Variants in RBMS3 observed in about 807,000 individuals in gnomAD.
The protein encoded by RBMS3 is RNA binding motif single stranded interacting protein 3, also known as RNA-binding motif, single-stranded-interacting protein 3.
Under a neutral mutation model 66.8 loss-of-function variants are expected in RBMS3, and 27 were observed. The observed-to-expected ratio is 0.40, with a 90% CI of 0.30 to 0.56. The LOEUF (loss-of-function observed/expected upper bound fraction) is 0.56, where lower values mean the gene tolerates loss of function less well. RBMS3 is among the 20% of genes least tolerant of loss of function. The probability of loss-of-function intolerance (pLI) is 0.40; values close to 1 mark genes in which losing one functional copy is unlikely to be tolerated. For synonymous variants in RBMS3, 188 were observed against 183.0 expected (o/e 1.03, Z -0.22); for missense variants, 513 against 549.5 (o/e 0.93, Z 0.66).
chr3:29,554,899 G>A (rs957963527), intron 3 of RBMS3, among the ~76,000 whole-genome samples: 5 of 152,074 alleles, frequency 3.3e-5, no homozygotes, highest in East Asian at 1.9e-4. Flanking sequence ...TTTTTGAACC[G>A]AATAGGGCCA....
chr3:29,477,954 A>C (rs1264770073), intron 2 of RBMS3, among the ~76,000 whole-genome samples: 1 of 151,978 alleles, frequency 6.6e-6, no homozygotes, highest in African/African-American at 2.4e-5. Context: ...TTTTCTGTAG[A>C]GATGGGATTT....
intron 14 of RBMS3, chr3:29,991,854 G>GA (rs1345534536): frequency 6.6e-6 from 1 of 152,074 alleles, no homozygotes; most frequent in East Asian, 1.9e-4. Context: ...AAATGTCGAT[G>GA]AAAAAGGGTA....
intron 8 of RBMS3, 23 bp downstream of exon 8, chr3:29,884,231 A>G (rs1277175273): frequency 6.9e-6 from 11 of 1,589,804 alleles, no homozygotes; most frequent in African/African-American, 2.7e-5. Context: ...CATTTTCTCT[A>G]TTTTAATTGT....
chr3:29,319,692 T>C (rs1043277278), intron 1 of RBMS3, among the ~76,000 whole-genome samples: 4 of 152,022 alleles, frequency 2.6e-5, no homozygotes, highest in African/African-American at 9.7e-5. Context: ...TTTTTAACTT[T>C]AGTTGATCTG....
chr3:29,497,256 G>A (rs148554720), intron 3 of RBMS3, among the ~76,000 whole-genome samples: 115 of 152,202 alleles, frequency 7.6e-4, no homozygotes, highest in African/African-American at 2.5e-3. Context: ...TGATCCGCCC[G>A]CCTCAACCTC....
intron 4 of RBMS3, among the ~76,000 whole-genome samples, chr3:29,688,564 A>ATTTTTTTT (rs55943638): frequency 8.9e-5 from 6 of 67,130 alleles, no homozygotes; most frequent in African/African-American, 1.5e-4. Context: ...AAGTTACAGG[A>ATTTTTTTT]TTTTTTTTTT....
intron 1 of RBMS3, among the ~76,000 whole-genome samples, chr3:29,303,021 T>A (rs2033783466): frequency 6.6e-6 from 1 of 151,964 alleles, no homozygotes; most frequent in Non-Finnish European, 1.5e-5. Context: ...GATCTCAGTG[T>A]GTGCTAAAAG....
chr3:29,648,358 C>G (rs2050021067), intron 4 of RBMS3, among the ~76,000 whole-genome samples: 1 of 144,290 alleles, frequency 6.9e-6, no homozygotes, highest in African/African-American at 2.6e-5. Flanking sequence ...TGCAGACTCT[C>G]TGTCCCAGGC....
At chr3:29,968,432 T>G (rs1696998332) in intron 12 of RBMS3, among the ~76,000 whole-genome samples, 1 of 152,200 alleles carries the variant, frequency 6.6e-6, no homozygotes, top group African/African-American at 2.4e-5. Context: ...TTTTAGCTCC[T>G]GCCCCTCTGG....
chr3:29,848,076 T>C (rs2058834079), intron 6 of RBMS3, among the ~76,000 whole-genome samples: 1 of 152,176 alleles, frequency 6.6e-6, no homozygotes. Context: ...TTTCTAGGTA[T>C]CCCCCTAAGT....
chr3:29,495,245 C>G (rs1053917978), intron 3 of RBMS3, among the ~76,000 whole-genome samples: 2 of 152,002 alleles, frequency 1.3e-5, no homozygotes, highest in Non-Finnish European at 2.9e-5. Flanking sequence ...GGACTGAATC[C>G]ATTTAGCAGT....
At chr3:29,815,543 G>A (rs2057862926) in intron 6 of RBMS3, among the ~76,000 whole-genome samples, 1 of 151,938 alleles carries the variant, frequency 6.6e-6, no homozygotes, top group African/African-American at 2.4e-5. Flanking sequence ...AGGAACAGGG[G>A]GTTGTCAACA....
In RBMS3 at chr3:29,936,140, A is replaced by T. The variant is rs771045401; in HGVS notation, c.994A>T (p.Met332Leu). ...TCCCATGTCAATGCAGCCAGCCAAC[A>T]TGATGGGCCCACTGACACAGCAGAT... is the stretch of plus-strand genomic sequence containing the variant. ...DHPMSMQPAN[M>L]MGPLTQQMNH... Residue 332 changes from methionine to leucine, a missense_variant, in exon 11 of 15, where the codon ATG becomes TTG. Met to Leu is a conservative substitution (Grantham distance 15, BLOSUM62 2). Transcript: ENST00000383767. 1 of 1,613,278 alleles carries T rather than the reference A, an allele frequency of 6.2e-7. No homozygotes were observed. The highest frequency in any genetic ancestry group is 8.5e-7 in the Non-Finnish European group (1 of 1,179,558).
intron 4 of RBMS3, among the ~76,000 whole-genome samples, chr3:29,712,997 A>G (rs545657877): frequency 6.6e-6 from 1 of 152,082 alleles, no homozygotes; most frequent in Non-Finnish European, 1.5e-5. Flanking sequence ...GATATCTCTT[A>G]TTGGTTCTGG....
At chr3:29,634,629 T>C (rs561424558) in intron 4 of RBMS3, among the ~76,000 whole-genome samples, 1 of 151,972 alleles carries the variant, frequency 6.6e-6, no homozygotes. Context: ...ACGCTCTTTA[T>C]TGACTTTCTT....
At chr3:29,587,227 G>GTTTTTTTTTTTTTT (rs537893659) in intron 4 of RBMS3, 22 bp downstream of exon 4, 3 of 213,464 alleles carry the variant, frequency 1.4e-5, no homozygotes, top group African/African-American at 1.9e-4. Flanking sequence ...GTTTAGGGGT[G>GTTTTTTTTTTTTTT]TTTTTTTTTT....
rs375152299 is a variant in RBMS3, at chr3:29,847,781, A to G, written c.638-21077A>G. ...CGCCATTCTCCTGCCTCAGCCTCCC[A>G]AGTAGCTGGGACTACAGGCGCTCGC... On this transcript the variant is annotated intron_variant, in intron 6 of 14. Transcript: ENST00000383767. Among the ~76,000 whole-genome samples the G allele has an allele frequency of 2.8e-3, 423 of 151,908 alleles. 2 individuals carry two copies. The highest frequency in any genetic ancestry group is 9.8e-3 in the African/African-American group (406 of 41,430).
chr3:30,003,274 C>T (rs1699690860), intron 14 of RBMS3, among the ~76,000 whole-genome samples: 1 of 151,960 alleles, frequency 6.6e-6, no homozygotes, highest in Non-Finnish European at 1.5e-5. Context: ...TCTAGTTAAA[C>T]ACCTATTGTG....
rs1218393454 is a variant in RBMS3 at position 29,691,947 on chromosome 3, C to CTCTCTCTCTTTTTTTTTTTTTTT, written c.400-47772_400-47771insCTCTCTCTTTTTTTTTTTTTTTT. Among the ~76,000 whole-genome samples the CTCTCTCTCTTTTTTTTTTTTTTT allele has an allele frequency of 4.4e-3, 232 of 53,174 alleles. 1 individual carries two copies. Among genetic ancestry groups the CTCTCTCTCTTTTTTTTTTTTTTT allele is most frequent in the Non-Finnish European group, 6.9e-3 (175 of 25,418 alleles). The allele number at this position is 53,174 out of a possible 152,430, so 34.9% of individuals were successfully genotyped here. On this transcript the variant is annotated intron_variant, in intron 4 of 14. Transcript: ENST00000383767. ...GTGTGACCCTTCTCTCTCTCTCTCT[C>CTCTCTCTCTTTTTTTTTTTTTTT]TATTTTTTTTTTTTTTTTTTGAGAT...
Sources: allele counts gnomAD v4.1 joint callset (sites outside exome capture counted in the v4.1 genomes callset), GRCh38; gene constraint gnomAD v4.1.1; transcripts MANE v1.5; gene names NCBI Gene and HGNC (gene_info 2026-07-23, HGNC 2026-07-21).